IRAK3: variants seen among roughly 807,000 people sequenced by gnomAD.
IRAK3 encodes the protein interleukin 1 receptor associated kinase 3, also known as interleukin-1 receptor-associated kinase 3.
IRAK3 carries 57 observed loss-of-function variants against 56.6 expected under a neutral mutation model. The observed-to-expected ratio is 1.01, with a 90% CI of 0.81 to 1.26. The LOEUF (loss-of-function observed/expected upper bound fraction) is 1.26. Among genes scored for constraint, IRAK3 ranks in the 50% most tolerant of loss-of-function variants. The pLI is 0.00. For missense variants in IRAK3, 703 were observed against 719.0 expected (o/e 0.98, Z 0.25); for synonymous variants, 258 against 255.7 (o/e 1.01, Z -0.09).
chr12:66,216,683 AAG>A (rs2052680166), intron 5 of IRAK3, among the ~76,000 whole-genome samples: 1 of 152,224 alleles, frequency 6.6e-6, no homozygotes, highest in South Asian at 2.1e-4. Context: ...CTTGAAAGTA[AAG>A]AGTTATATTT....
chr12:66,235,150 A>G lies in IRAK3; in HGVS notation c.887+6780A>G, dbSNP rs1346912178. 3.7e-6 allele frequency: 6 copies of G among 1,613,502 alleles called. No homozygotes were observed. The African/African-American group carries it at 8.0e-5, about 22-fold the overall frequency. ...CCCATCCTGAGTTGCTGCTGCTGCTACTGTTGTTATTACTGCTGGTGGTGC... is the reference window on the plus strand; with the variant it reads ...CCCATCCTGAGTTGCTGCTGCTGCTGCTGTTGTTATTACTGCTGGTGGTGC... On this transcript the variant is annotated intron_variant, in intron 8 of 11. Coordinates refer to ENST00000261233, the MANE Select transcript of IRAK3 (RefSeq NM_007199.3).
intron 2 of IRAK3, among the ~76,000 whole-genome samples, chr12:66,208,268 A>C (rs1429769552): frequency 6.6e-6 from 1 of 151,928 alleles, no homozygotes; most frequent in Non-Finnish European, 1.5e-5. Flanking sequence ...TCCAGACAGC[A>C]CTCTACCACA....
chr12:66,234,652 G>T, intron 8 of IRAK3: 1 of 1,611,242 alleles, frequency 6.2e-7, no homozygotes, highest in Non-Finnish European at 8.5e-7. Flanking sequence ...GTTCTGTGGG[G>T]GCAGAAACTC....
chr12:66,209,419 AT>A, intron 2 of IRAK3, 36 bp from the exon 3 acceptor site: 5 of 1,341,588 alleles, frequency 3.7e-6, no homozygotes, highest in African/African-American at 1.4e-5. Context: ...GGGACATAAA[AT>A]TTTTTTGTAT....
Position 66,219,399 on chromosome 12 carries a change from C to A in IRAK3, c.653+2164C>A, listed in dbSNP as rs148752785. ...GATGGTTTTAAAAAGGGGAGTTTCTCAGCACATGCTCTGTTCTTTTGTCTG... is the reference window on the plus strand; with the variant it reads ...GATGGTTTTAAAAAGGGGAGTTTCTAAGCACATGCTCTGTTCTTTTGTCTG... On this transcript the variant is annotated intron_variant, in intron 6 of 11. Coordinates refer to ENST00000261233, the MANE Select transcript of IRAK3 (RefSeq NM_007199.3). 3.1e-4 allele frequency among the ~76,000 whole-genome samples: 47 copies of A among 152,312 alleles called. No homozygotes were observed. In the South Asian group the frequency reaches 5.2e-3, roughly 17 times the overall value.
intron 6 of IRAK3, among the ~76,000 whole-genome samples, chr12:66,226,019 A>G (rs2052781792): frequency 6.6e-6 from 1 of 152,188 alleles, no homozygotes; most frequent in Non-Finnish European, 1.5e-5. Context: ...TCAAGCTAAC[A>G]ATTTTAGTTG....
chr12:66,196,384 T>A (rs2052453383), intron 1 of IRAK3, among the ~76,000 whole-genome samples: 1 of 152,200 alleles, frequency 6.6e-6, no homozygotes, highest in Non-Finnish European at 1.5e-5. Context: ...GTAAGAATTT[T>A]CCAATTTAGT....
At position 66,234,789 on chromosome 12, in the gene IRAK3, A is replaced by G. The variant is rs962169132; in HGVS notation, c.887+6419A>G. 14 of 1,598,378 alleles carry G rather than the reference A, an allele frequency of 8.8e-6. No individual in the cohort carries two copies. In the Admixed American group the frequency reaches 1.0e-4, roughly 11 times the overall value. ...CTGGCATCACGTAGTATCCTTGTAG[A>G]AATAACTTGTCCAAATGGTTTGAGC... On this transcript the variant is annotated intron_variant, in intron 8 of 11. Transcript: ENST00000261233.
chr12:66,240,671 G>A (rs893371083), intron 8 of IRAK3, among the ~76,000 whole-genome samples: 12 of 151,918 alleles, frequency 7.9e-5, no homozygotes, highest in Admixed American at 2.6e-4. Flanking sequence ...CAGAGGGGCC[G>A]TTGGGTCCTC....
chr12:66,234,516 C>G, intron 8 of IRAK3: 1 of 1,611,948 alleles, frequency 6.2e-7, no homozygotes, highest in East Asian at 2.2e-5. Context: ...GTAGTTGGGT[C>G]GTAAGTAAGT....
intron 5 of IRAK3, among the ~76,000 whole-genome samples, chr12:66,214,481 C>T (rs2052645975): frequency 6.6e-6 from 1 of 151,988 alleles, no homozygotes; most frequent in Non-Finnish European, 1.5e-5. Flanking sequence ...GCAGAGGTTG[C>T]AGTGAGCCAA....
Position 66,245,136 on chromosome 12 carries a change from G to A in IRAK3, c.1188G>A (p.Leu396=), listed in dbSNP as rs1293112731. The A allele has an allele frequency of 1.5e-5, 25 of 1,614,000 alleles. No individual in the cohort carries two copies. The highest frequency in any genetic ancestry group is 4.0e-5 in the African/African-American group (3 of 74,912). The change falls in exon 11 of 12, where the codon CTG becomes CTA. Residue 396 remains leucine (L), a synonymous_variant. Coordinates refer to ENST00000261233, the MANE Select transcript of IRAK3 (RefSeq NM_007199.3). ...LLRELMEKRG[L]DSCLSFLDKK... ...GAGAATTGATGGAGAAGAGAGGCCT[G>A]GATTCATGTCTCTCATTTCTAGATA...
In IRAK3 at chr12:66,226,758, A is replaced by T; in HGVS notation, c.689A>T (p.Tyr230Phe). The T allele has an allele frequency of 6.2e-7, 1 of 1,610,896 alleles. No homozygotes were observed. Among genetic ancestry groups the T allele is most frequent in the East Asian group, 2.2e-5 (1 of 44,860 alleles). Residue 230 changes from tyrosine to phenylalanine, a missense_variant, in exon 7 of 12, where the codon TAT (tyrosine) becomes TTT (phenylalanine). Tyr to Phe is a conservative substitution (Grantham distance 22). Coordinates refer to ENST00000261233, the MANE Select transcript of IRAK3 (RefSeq NM_007199.3). ...CCAAACATACTAGAGTTGGCTGCATATTTTACAGAGACTGAGAAGTTCTGT... is the reference window on the plus strand; with the variant it reads ...CCAAACATACTAGAGTTGGCTGCATTTTTTACAGAGACTGAGAAGTTCTGT... ...HHPNILELAA[Y>F]FTETEKFCLI...
chr12:66,192,481 G>A (rs2052408576), intron 1 of IRAK3, among the ~76,000 whole-genome samples: 1 of 152,046 alleles, frequency 6.6e-6, no homozygotes, highest in African/African-American at 2.4e-5. Flanking sequence ...CCATAGATTG[G>A]TATTTAAATT....
chr12:66,243,778 G>T (rs1224055556), intron 8 of IRAK3, among the ~76,000 whole-genome samples: 1 of 152,168 alleles, frequency 6.6e-6, no homozygotes, highest in Non-Finnish European at 1.5e-5. Context: ...AGTGGGAAAT[G>T]GATCTCTCTC....
At chr12:66,202,993 T>G (rs2052524058) in intron 1 of IRAK3, among the ~76,000 whole-genome samples, 1 of 151,744 alleles carries the variant, frequency 6.6e-6, no homozygotes, top group South Asian at 2.1e-4. Flanking sequence ...AATAAATAAA[T>G]GTAGGAGAAG....
intron 1 of IRAK3, among the ~76,000 whole-genome samples, chr12:66,193,771 C>T (rs1287387167): frequency 3.3e-5 from 5 of 152,114 alleles, no homozygotes; most frequent in East Asian, 1.9e-4. Context: ...TATCCAGGGT[C>T]GGTACTATTT....
intron 6 of IRAK3, among the ~76,000 whole-genome samples, chr12:66,223,424 C>A (rs1332816623): frequency 6.6e-6 from 1 of 151,810 alleles, no homozygotes; most frequent in African/African-American, 2.4e-5. Flanking sequence ...CTTTGGGAGG[C>A]CGAGGCAGGC....
chr12:66,196,308 A>G (rs2052452594), intron 1 of IRAK3, among the ~76,000 whole-genome samples: 2 of 152,292 alleles, frequency 1.3e-5, no homozygotes, highest in South Asian at 2.1e-4. Flanking sequence ...TGGGTTGTCT[A>G]TTAAAAACCT....
Sources: allele counts gnomAD v4.1 joint callset (sites outside exome capture counted in the v4.1 genomes callset), GRCh38; gene constraint gnomAD v4.1.1; transcripts MANE v1.5; gene names NCBI Gene and HGNC (gene_info 2026-07-23, HGNC 2026-07-21).